DOCK1: variants seen among roughly 807,000 people sequenced by gnomAD.
DOCK1 encodes the protein dedicator of cytokinesis 1.
In DOCK1, 138 loss-of-function variants were observed where a neutral mutation model predicts 262.7. That is an observed-to-expected ratio of 0.53 (90% CI 0.46 to 0.61). DOCK1 has a LOEUF of 0.61. Among genes scored for constraint, DOCK1 ranks in the 20% least tolerant of loss-of-function variants. DOCK1 has a pLI of 0.00. For synonymous variants in DOCK1, 866 were observed against 867.4 expected (o/e 1.00, Z 0.03); for missense variants, 1,908 against 2,370.7 (o/e 0.80, Z 4.05).
chr10:127,312,317 CG>C (rs1455212324), intron 29 of DOCK1, among the ~76,000 whole-genome samples: 2 of 152,130 alleles, frequency 1.3e-5, no homozygotes, highest in Non-Finnish European at 2.9e-5. Flanking sequence ...ATTCCTAGGA[CG>C]GGGCAGCAGA....
chr10:127,428,991 G>GTGTGGATTGGGGTGCCA (rs1565085453), intron 47 of DOCK1, among the ~76,000 whole-genome samples: 2 of 143,346 alleles, frequency 1.4e-5, no homozygotes, highest in Non-Finnish European at 3.1e-5. Context: ...TTGGGGTGCC[G>GTGTGGATTGGGGTGCCA]TGTGGATTGG....
At chr10:127,035,800 A>C (rs1454646839) in intron 18 of DOCK1, among the ~76,000 whole-genome samples, 2 of 151,954 alleles carry the variant, frequency 1.3e-5, no homozygotes, top group Non-Finnish European at 2.9e-5. Context: ...ACATGAGCCC[A>C]GGAGGTTAAG....
In DOCK1 at chr10:127,044,555, C is replaced by T. The variant is rs796124844; in HGVS notation, c.2201+1391C>T. 4.8e-4 allele frequency among the ~76,000 whole-genome samples: 73 copies of T among 152,256 alleles called. 2 individuals are homozygous for T. Among genetic ancestry groups the T allele is most frequent in the African/African-American group, 1.6e-3 (68 of 41,546 alleles). On this transcript the variant is annotated intron_variant, in intron 21 of 51. Transcript: ENST00000623213. ...CTGGCTCTTGTGACCAAAACAGGAG[C>T]TTGTGGGGTTTGCGGAAGTGGCCTG...
chr10:127,354,750 C>T, intron 32 of DOCK1, 23 bp downstream of exon 32: 1 of 1,613,594 alleles, frequency 6.2e-7, no homozygotes, highest in East Asian at 2.2e-5. Context: ...GATGTGGGGG[C>T]ATAGTGAATA....
intron 1 of DOCK1, among the ~76,000 whole-genome samples, chr10:126,957,050 G>A (rs921055644): frequency 2.0e-5 from 3 of 152,284 alleles, no homozygotes; most frequent in East Asian, 3.9e-4. Context: ...GGGGGAAAGC[G>A]GGGAAGGGGT....
chr10:127,323,840 A>T (rs2062641747), intron 29 of DOCK1, among the ~76,000 whole-genome samples: 1 of 152,226 alleles, frequency 6.6e-6, no homozygotes, highest in Admixed American at 6.5e-5. Context: ...CATGGGAAGA[A>T]CAGGAAGCCT....
chr10:127,023,565 T>C (rs11018179), intron 14 of DOCK1, among the ~76,000 whole-genome samples: 3 of 125,468 alleles, frequency 2.4e-5, no homozygotes, highest in Admixed American at 8.7e-5. Flanking sequence ...TTTTTTGAGA[T>C]GGAGTCTAGC....
chr10:127,228,456 C>T (rs1342780329), intron 27 of DOCK1, among the ~76,000 whole-genome samples: 2 of 152,180 alleles, frequency 1.3e-5, no homozygotes, highest in Non-Finnish European at 2.9e-5. Context: ...AGCCTGTTTG[C>T]AAAATGAGGA....
intron 23 of DOCK1, among the ~76,000 whole-genome samples, chr10:127,095,947 C>G (rs898022259): frequency 6.6e-6 from 1 of 151,900 alleles, no homozygotes; most frequent in Non-Finnish European, 1.5e-5. Flanking sequence ...GTCCCTCAGG[C>G]GTTAAATTGA....
chr10:126,976,827 G>A lies in DOCK1; in HGVS notation c.131-1121G>A, dbSNP rs545395658. Among the ~76,000 whole-genome samples, 35 of 151,960 alleles carry A rather than the reference G, an allele frequency of 2.3e-4. No homozygotes were observed. In the East Asian group the frequency reaches 3.7e-3, roughly 16 times the overall value. On this transcript the variant is annotated intron_variant, in intron 2 of 51. Transcript: ENST00000623213. Reference sequence around the variant, plus strand: ...TAGCTCACTGCAACCTCTGCCTCTCGGGTTTAAGCAATTCTCCTGCCTCAG... The same window carrying A: ...TAGCTCACTGCAACCTCTGCCTCTCAGGTTTAAGCAATTCTCCTGCCTCAG...
At chr10:127,268,384 C>T (rs575868787) in intron 29 of DOCK1, among the ~76,000 whole-genome samples, 18 of 151,098 alleles carry the variant, frequency 1.2e-4, no homozygotes, top group Middle Eastern at 3.4e-3. Context: ...CATGTAGCCC[C>T]AGCTACTCAG....
chr10:127,418,290 C>CGGAGGAGCAG, intron 44 of DOCK1, 75 bp from the exon 45 acceptor site: 1 of 1,424,268 alleles, frequency 7.0e-7, no homozygotes, highest in Non-Finnish European at 9.4e-7. Context: ...CCCCAGAGCA[C>CGGAGGAGCAG]GTGGCTCCTC....
chr10:127,304,115 C>G (rs951874343), intron 29 of DOCK1, among the ~76,000 whole-genome samples: 2 of 152,114 alleles, frequency 1.3e-5, no homozygotes, highest in African/African-American at 4.8e-5. Flanking sequence ...CGATGGGGAA[C>G]ACAAGAGCCG....
chr10:127,318,433 G>A (rs567159060), intron 29 of DOCK1, among the ~76,000 whole-genome samples: 3 of 152,300 alleles, frequency 2.0e-5, no homozygotes, highest in African/African-American at 4.8e-5. Context: ...ATGGCTGGGA[G>A]CTGTGACATT....
chr10:127,444,978 C>T (rs1271983127), intron 50 of DOCK1, among the ~76,000 whole-genome samples: 1 of 152,008 alleles, frequency 6.6e-6, no homozygotes, highest in Non-Finnish European at 1.5e-5. Context: ...ACAAGGACAT[C>T]AGTCATTGGA....
intron 6 of DOCK1, among the ~76,000 whole-genome samples, chr10:126,992,859 C>G (rs1727630343): frequency 6.6e-6 from 1 of 151,964 alleles, no homozygotes; most frequent in East Asian, 1.9e-4. Context: ...CTCATAGATG[C>G]ATTGGGCTTC....
At chr10:127,341,280 A>AT (rs1279409621) in intron 30 of DOCK1, among the ~76,000 whole-genome samples, 2 of 152,160 alleles carry the variant, frequency 1.3e-5, no homozygotes, top group Non-Finnish European at 2.9e-5. Context: ...TTTCTGTGTT[A>AT]TTATCCTAGA....
chr10:126,961,326 A>G (rs899551997), intron 1 of DOCK1, among the ~76,000 whole-genome samples: 9 of 152,226 alleles, frequency 5.9e-5, no homozygotes, highest in Admixed American at 3.9e-4. Context: ...GGTGGCTCAC[A>G]CCTGTAATCC....
chr10:127,293,781 T>C (rs1590310258), intron 29 of DOCK1, among the ~76,000 whole-genome samples: 2 of 152,290 alleles, frequency 1.3e-5, no homozygotes, highest in Middle Eastern at 3.4e-3. Flanking sequence ...ACCCACTGTG[T>C]ATTTGTGGGA....
Sources: gnomAD v4.1 joint callset for allele counts (sites outside exome capture counted in the v4.1 genomes callset) on GRCh38, gnomAD v4.1.1 for gene constraint, MANE v1.5 for transcripts, NCBI Gene and HGNC (gene_info 2026-07-23, HGNC 2026-07-21) for gene names.